PEAK1: variants seen among roughly 807,000 people sequenced by gnomAD.
PEAK1 encodes pseudopodium enriched atypical kinase 1.
In PEAK1, 54 loss-of-function variants were observed where a neutral mutation model predicts 124.7. The ratio of observed to expected loss-of-function variants is 0.43; its 90% CI spans 0.35 to 0.54. The LOEUF (loss-of-function observed/expected upper bound fraction) is 0.54, where lower values mean the gene tolerates loss of function less well. Ranked by LOEUF, PEAK1 falls within the 20% of genes least tolerant of loss-of-function variation. The pLI, the probability that PEAK1 is intolerant of heterozygous loss-of-function variation, is 0.01. For synonymous variants in PEAK1, 719 were observed against 760.0 expected, an observed-to-expected ratio of 0.95 and a Z score of 0.89; for missense variants, 2,046 against 2,134.5, an observed-to-expected ratio of 0.96 and a Z score of 0.82.
chr15:77,278,561 G>C, intron 5 of PEAK1: 1 of 496,354 alleles, frequency 2.0e-6, no homozygotes, highest in Non-Finnish European at 4.0e-6. Context: ...TACTAAACCT[G>C]CTCCTCCAAA....
chr15:77,347,517 G>A lies in PEAK1; in HGVS notation c.-603+17646C>T, dbSNP rs746988890. On this transcript the variant is annotated intron_variant, in intron 2 of 9. Transcript: ENST00000682557. ...ATATCTGAGGCTTATAATAGGAACCGTTAAAGCACAGCACTCATAAATGAA... is the reference window on the plus strand; with the variant it reads ...ATATCTGAGGCTTATAATAGGAACCATTAAAGCACAGCACTCATAAATGAA... 3.5e-4 allele frequency: 348 copies of A among 985,126 alleles called. 1 individual carries two copies. The highest frequency in any genetic ancestry group is 4.1e-4 in the Non-Finnish European group (340 of 829,856). 61.0% of individuals were successfully genotyped at this position (985,126 alleles called of 1,614,324 possible). A position where few individuals can be genotyped will look rare whatever the true frequency, so the allele number is the denominator to read the frequency against.
At chr15:77,366,606 A>T (rs928989126) in intron 1 of PEAK1, among the ~76,000 whole-genome samples, 1 of 152,098 alleles carries the variant, frequency 6.6e-6, no homozygotes, top group Non-Finnish European at 1.5e-5. Flanking sequence ...CCTAGGCTGG[A>T]GTACAGTGGC....
intron 1 of PEAK1, among the ~76,000 whole-genome samples, chr15:77,414,459 C>T (rs2072715361): frequency 6.6e-6 from 1 of 151,690 alleles, no homozygotes; most frequent in Non-Finnish European, 1.5e-5. Flanking sequence ...TGACCTCAAC[C>T]CACCTTGGCC....
At chr15:77,234,286 C>T (rs1469132486) in intron 6 of PEAK1, among the ~76,000 whole-genome samples, 1 of 152,086 alleles carries the variant, frequency 6.6e-6, no homozygotes, top group Non-Finnish European at 1.5e-5. Context: ...TATTTTCTTT[C>T]TTTTTCAGAC....
intron 7 of PEAK1, among the ~76,000 whole-genome samples, chr15:77,175,632 G>A (rs2056812306): frequency 6.6e-6 from 1 of 152,138 alleles, no homozygotes; most frequent in South Asian, 2.1e-4. Flanking sequence ...TGGAGAAACA[G>A]GAACACTTTT....
intron 2 of PEAK1, among the ~76,000 whole-genome samples, chr15:77,298,928 A>G (rs986349921): frequency 4.4e-4 from 67 of 152,160 alleles, no homozygotes; most frequent in African/African-American, 1.3e-3. Flanking sequence ...GAGAAGGCCA[A>G]CTGGCACTAC....
intron 2 of PEAK1, among the ~76,000 whole-genome samples, chr15:77,317,238 C>T (rs2064935424): frequency 6.6e-6 from 1 of 151,938 alleles, no homozygotes; most frequent in Non-Finnish European, 1.5e-5. Flanking sequence ...GTTTTCATTT[C>T]CTAGTGTAAA....
chr15:77,174,584 A>C (rs1027141818), intron 7 of PEAK1, among the ~76,000 whole-genome samples: 1 of 152,236 alleles, frequency 6.6e-6, no homozygotes, highest in Non-Finnish European at 1.5e-5. Context: ...AAAAAGTTAA[A>C]AAAAGCTACT....
chr15:77,276,607 GA>G (rs1164990043), intron 5 of PEAK1, among the ~76,000 whole-genome samples: 2 of 151,864 alleles, frequency 1.3e-5, no homozygotes, highest in East Asian at 3.9e-4. Flanking sequence ...GAAAGGAAAT[GA>G]AAAAAGATCT....
At chr15:77,260,718 G>C (rs956049217) in intron 5 of PEAK1, among the ~76,000 whole-genome samples, 1 of 152,198 alleles carries the variant, frequency 6.6e-6, no homozygotes, top group Non-Finnish European at 1.5e-5. Context: ...CTCCCAGCGT[G>C]AGCGACACAG....
chr15:77,387,783 G>A (rs2070077111), intron 1 of PEAK1, among the ~76,000 whole-genome samples: 1 of 152,208 alleles, frequency 6.6e-6, no homozygotes, highest in Non-Finnish European at 1.5e-5. Flanking sequence ...TAGTGACAGT[G>A]ATGGGAAAGG....
downstream of PEAK1, chr15:77,103,208 A>G (rs1203178540): frequency 2.6e-5 from 4 of 152,262 alleles, no homozygotes; most frequent in African/African-American, 9.6e-5. Context: ...GCTGGAGTGC[A>G]GTTCACGGCT....
chr15:77,184,917 A>T (rs2057465096), intron 6 of PEAK1, among the ~76,000 whole-genome samples: 1 of 152,130 alleles, frequency 6.6e-6, no homozygotes, highest in South Asian at 2.1e-4. Flanking sequence ...ACTTAAAAAA[A>T]GTGAATTTTA....
intron 1 of PEAK1, among the ~76,000 whole-genome samples, chr15:77,405,623 A>G (rs990556949): frequency 1.3e-5 from 2 of 152,158 alleles, no homozygotes; most frequent in Admixed American, 6.5e-5. Flanking sequence ...AAGCCCATAA[A>G]AATCCAGACG....
chr15:77,204,011 G>A (rs929426332), intron 6 of PEAK1, among the ~76,000 whole-genome samples: 5 of 152,160 alleles, frequency 3.3e-5, no homozygotes, highest in Admixed American at 1.3e-4. Context: ...TTTGCAACAC[G>A]TATCTGCAAA....
At chr15:77,268,131 CTTTCGAAT>C (rs1567191017) in intron 5 of PEAK1, among the ~76,000 whole-genome samples, 1 of 152,040 alleles carries the variant, frequency 6.6e-6, no homozygotes, top group African/African-American at 2.4e-5. Flanking sequence ...GCAGACAAGG[CTTTCGAAT>C]TAACCCAATC....
intron 1 of PEAK1, among the ~76,000 whole-genome samples, chr15:77,410,345 G>A (rs977615246): frequency 1.3e-4 from 20 of 152,010 alleles, no homozygotes; most frequent in Non-Finnish European, 1.6e-4. Context: ...GGCTGGTCTC[G>A]AACTCTCGAC....
intron 1 of PEAK1, among the ~76,000 whole-genome samples, chr15:77,414,385 A>AT (rs35794181): frequency 0.031 from 3,809 of 122,626 alleles, 144 homozygotes; most frequent in African/African-American, 0.093. Context: ...AATTTTTTGT[A>AT]TTTTTTTTTT....
chr15:77,333,841 C>A, intron 2 of PEAK1: 1 of 626,082 alleles, frequency 1.6e-6, no homozygotes, highest in Non-Finnish European at 2.0e-6. Context: ...TGGTGCAATT[C>A]CAACTTCATA....
Sources: gnomAD v4.1 joint callset for allele counts (sites outside exome capture counted in the v4.1 genomes callset) on GRCh38, gnomAD v4.1.1 for gene constraint, MANE v1.5 for transcripts, NCBI Gene and HGNC (gene_info 2026-07-23, HGNC 2026-07-21) for gene names.